MYT1L: variants seen among roughly 807,000 people sequenced by gnomAD.
MYT1L encodes myelin transcription factor 1 like, also known as myelin transcription factor 1-like protein.
In MYT1L, 12 loss-of-function variants were observed where a neutral mutation model predicts 126.7. The observed-to-expected ratio is 0.09, with a 90% CI of 0.06 to 0.15. MYT1L has a LOEUF of 0.15. Among genes scored for constraint, MYT1L ranks in the 10% least tolerant of loss-of-function variants. MYT1L has a pLI of 1.00. For missense variants in MYT1L, 979 were observed against 1,585.2 expected, an observed-to-expected ratio of 0.62 and a Z score of 6.49; for synonymous variants, 541 against 604.2, an observed-to-expected ratio of 0.90 and a Z score of 1.53.
At chr2:1,906,143 ATCT>A (rs2051022620) in intron 13 of MYT1L, among the ~76,000 whole-genome samples, 1 of 152,326 alleles carries the variant, frequency 6.6e-6, no homozygotes, top group East Asian at 1.9e-4. Flanking sequence ...TCGCCTACAG[ATCT>A]TCTAGAGACA....
chr2:1,908,109 T>C (rs1346945137), intron 13 of MYT1L, among the ~76,000 whole-genome samples: 1 of 152,228 alleles, frequency 6.6e-6, no homozygotes, highest in East Asian at 1.9e-4. Context: ...CGGCTGCAGC[T>C]GCACAGTAGT....
At chr2:1,861,997 A>ATCTGCCTGCAGCCTG (rs1558192114) in intron 18 of MYT1L, among the ~76,000 whole-genome samples, 7 of 151,452 alleles carry the variant, frequency 4.6e-5, no homozygotes, top group African/African-American at 9.7e-5. Flanking sequence ...GTAATCCTGG[A>ATCTGCCTGCAGCCTG]ATTCGCTGAG....
At chr2:2,248,632 T>C (rs1376978883) in intron 2 of MYT1L, among the ~76,000 whole-genome samples, 1 of 152,054 alleles carries the variant, frequency 6.6e-6, no homozygotes, top group Non-Finnish European at 1.5e-5. Context: ...CAAAAAATAT[T>C]AGCACACTGA....
At chr2:1,936,583 A>C in intron 9 of MYT1L, among the ~76,000 whole-genome samples, 1 of 152,152 alleles carries the variant, frequency 6.6e-6, no homozygotes, top group South Asian at 2.1e-4. Flanking sequence ...CATACCAAAC[A>C]TATGATCTTT....
At chr2:1,862,001 CG>C (rs2044743669) in intron 18 of MYT1L, among the ~76,000 whole-genome samples, 1 of 8,702 alleles carries the variant, frequency 1.1e-4, no homozygotes. Flanking sequence ...TCCTGGAATT[CG>C]CTGAGATTTT....
rs545612544 is a variant in MYT1L at position 2,270,058 on chromosome 2, G to T, written c.-421+14346C>A. Among the ~76,000 whole-genome samples the T allele has an allele frequency of 3.3e-5, 5 of 152,316 alleles. No homozygotes were observed. In the East Asian group the frequency reaches 9.7e-4, roughly 29 times the overall value. ...GGGTGGGGCGTGTGGAGAGTCATTA[G>T]GTCAAGAGCGTGGCGTCTTCATGAA... On this transcript the variant is annotated intron_variant, in intron 2 of 24. Transcript: ENST00000647738.
rs567765208 is a variant in MYT1L, at chr2:1,924,614, T to A, written c.506-1351A>T. On this transcript the variant is annotated intron_variant, in intron 9 of 24. Coordinates refer to ENST00000647738, the MANE Select transcript of MYT1L (RefSeq NM_001303052.2). ...TGTCAATAACAGAAAATAATATCCT[T>A]ATTATCCCACGCTGAAGGAACAAAT... is the stretch of plus-strand genomic sequence containing the variant. Among the ~76,000 whole-genome samples, 282 of 152,346 alleles carry A rather than the reference T, an allele frequency of 1.9e-3. 2 individuals are homozygous for A. Among genetic ancestry groups the A allele is most frequent in the Middle Eastern group, 6.8e-3 (2 of 294 alleles).
At chr2:2,163,796 G>C (rs1231553274) in intron 3 of MYT1L, among the ~76,000 whole-genome samples, 1 of 151,852 alleles carries the variant, frequency 6.6e-6, no homozygotes, top group Admixed American at 6.6e-5. Context: ...TCGACCTCCT[G>C]TGCTGTCATA....
Position 1,912,302 on chromosome 2 carries a change from C to T in MYT1L, c.1619-192G>A, listed in dbSNP as rs149948623. ...TTGACTGGACCCTACGGACCCTACA[C>T]GAAAGGCCAGAGAAAGAAGGTTGAC... On this transcript the variant is annotated intron_variant, in intron 11 of 24. Transcript: ENST00000647738. The surrounding 1 kb of genome is among the most constrained non-coding windows in gnomAD (Gnocchi z 4.3). 0.018 allele frequency among the ~76,000 whole-genome samples: 2,722 copies of T among 152,172 alleles called. 86 individuals carry two copies. Among genetic ancestry groups the T allele is most frequent in the African/African-American group, 0.062 (2,590 of 41,502 alleles).
rs367946285 is a variant in MYT1L at position 2,084,671 on chromosome 2, G to A, written c.-303-30548C>T. ...CCCAAGTGACCATGGGCTGCAGCCT[G>A]TGAGAGACCCTATGAGGGAGGATCC... On this transcript the variant is annotated intron_variant, in intron 3 of 24. Coordinates refer to ENST00000647738, the MANE Select transcript of MYT1L (RefSeq NM_001303052.2). Among the ~76,000 whole-genome samples the A allele has an allele frequency of 3.1e-3, 467 of 152,276 alleles. 7 individuals are homozygous for A. The highest frequency in any genetic ancestry group is 5.6e-3 in the African/African-American group (233 of 41,560).
chr2:1,951,145 C>T (rs1558510580), intron 8 of MYT1L, among the ~76,000 whole-genome samples: 1 of 152,116 alleles, frequency 6.6e-6, no homozygotes, highest in Non-Finnish European at 1.5e-5. Context: ...AAATACCATA[C>T]TTCTCTGTGG....
At chr2:1,862,908 A>G (rs1278067549) in intron 18 of MYT1L, among the ~76,000 whole-genome samples, 1 of 152,124 alleles carries the variant, frequency 6.6e-6, no homozygotes, top group East Asian at 1.9e-4. Flanking sequence ...AGGAGAAAGG[A>G]GGAGGAGAGG....
In MYT1L at chr2:1,889,536, C is replaced by A; in HGVS notation, c.2284-59G>T. 2 of 1,355,344 alleles carry A rather than the reference C, an allele frequency of 1.5e-6. No homozygotes were observed. Among genetic ancestry groups the A allele is most frequent in the Non-Finnish European group, 2.0e-6 (2 of 985,108 alleles). 84.0% of individuals were successfully genotyped at this position (1,355,344 alleles called of 1,614,324 possible). Reference sequence around the variant, plus strand: ...CCCGGCATCTTGTGACACCACGAGTCCTTCCTCCCAGATTACAGTCCTGCC... The same window carrying A: ...CCCGGCATCTTGTGACACCACGAGTACTTCCTCCCAGATTACAGTCCTGCC... On this transcript the variant is annotated intron_variant, in intron 15 of 24. Coordinates refer to ENST00000647738, the MANE Select transcript of MYT1L (RefSeq NM_001303052.2). The surrounding 1 kb of genome is among the most constrained non-coding windows in gnomAD (Gnocchi z 4.1).
chr2:2,252,740 T>G (rs911459672), intron 2 of MYT1L, among the ~76,000 whole-genome samples: 6 of 152,132 alleles, frequency 3.9e-5, no homozygotes, highest in Non-Finnish European at 8.8e-5. Context: ...GGCCATCGTC[T>G]TCTTCATCTG....
chr2:2,159,693 A>T (rs1159887857), intron 3 of MYT1L, among the ~76,000 whole-genome samples: 1 of 152,068 alleles, frequency 6.6e-6, no homozygotes, highest in African/African-American at 2.4e-5. Context: ...CAAAGGACAG[A>T]AAGGCCATTA....
rs1459032932 is a variant in MYT1L, at chr2:1,929,125, C to T, written c.506-5862G>A. Among the ~76,000 whole-genome samples the T allele has an allele frequency of 3.3e-5, 5 of 152,258 alleles. No individual in the cohort carries two copies. The highest frequency in any genetic ancestry group is 4.1e-4 in the South Asian group (2 of 4,824). ...TCCCTCTCGCTTCAAAGGCCCCAGG[C>T]GCATGCTGAGACACTGCAGTCTCTT... is the stretch of plus-strand genomic sequence containing the variant. On this transcript the variant is annotated intron_variant, in intron 9 of 24. Coordinates refer to ENST00000647738, the MANE Select transcript of MYT1L (RefSeq NM_001303052.2). This position sits in a 1 kb window ranked among gnomAD's most constrained non-coding sequence, Gnocchi z 4.7.
chr2:1,943,169 C>T lies in MYT1L; in HGVS notation c.318G>A (p.Glu106=). The change falls in exon 9 of 25, where the codon GAG becomes GAA. Residue 106 remains glutamate, a synonymous_variant. Coordinates refer to ENST00000647738, the MANE Select transcript of MYT1L (RefSeq NM_001303052.2). The surrounding 1 kb of genome is among the most constrained non-coding windows in gnomAD (Gnocchi z 4.4). ...TEDMDEKEED[E]GEEYSEDNDE... ...CATTGTCCTCGGAGTACTCCTCCCC[C>T]TCATCCTCCTCCTTCTCATCCATGT... 1 of 1,549,006 alleles carries T rather than the reference C, an allele frequency of 6.5e-7. No homozygotes were observed. Among genetic ancestry groups the T allele is most frequent in the Non-Finnish European group, 8.7e-7 (1 of 1,144,482 alleles).
At chr2:2,216,014 TTCTC>T (rs991518836) in intron 2 of MYT1L, among the ~76,000 whole-genome samples, 1 of 151,730 alleles carries the variant, frequency 6.6e-6, no homozygotes, top group Non-Finnish European at 1.5e-5. Flanking sequence ...TCTCTCCTCT[TTCTC>T]TCTCTCTTTT....
chr2:2,088,390 G>A (rs1475318848), intron 3 of MYT1L, among the ~76,000 whole-genome samples: 2 of 152,208 alleles, frequency 1.3e-5, no homozygotes, highest in Non-Finnish European at 2.9e-5. Context: ...TCAAGAGACA[G>A]TGTTCTATGA....
Sources: allele counts gnomAD v4.1 joint callset (sites outside exome capture counted in the v4.1 genomes callset), GRCh38; gene constraint gnomAD v4.1.1; non-coding constraint Gnocchi (gnomAD v3.1); transcripts MANE v1.5; gene names NCBI Gene and HGNC (gene_info 2026-07-23, HGNC 2026-07-21).